The following IQSEC1 variants were observed in gnomAD, a reference collection of about 807,000 sequenced individuals.
IQSEC1 encodes IQ motif and Sec7 domain ArfGEF 1.
A neutral mutation model predicts 91.0 loss-of-function variants in IQSEC1; 31 were observed. The ratio of observed to expected loss-of-function variants is 0.34; its 90% confidence interval spans 0.26 to 0.46. The LOEUF is 0.46. Ranked by LOEUF, IQSEC1 falls within the 20% of genes least tolerant of loss-of-function variation. The probability of loss-of-function intolerance (pLI) is 1.00; values close to 1 mark genes in which losing one functional copy is unlikely to be tolerated. For synonymous variants in IQSEC1, 699 were observed against 662.6 expected (o/e 1.05, Z -0.84); for missense variants, 1,388 against 1,575.6 (o/e 0.88, Z 2.02).
At chr3:12,918,110 G>A (rs543420579) in intron 6 of IQSEC1, among the ~76,000 whole-genome samples, 12 of 152,366 alleles carry the variant, frequency 7.9e-5, no homozygotes, top group Non-Finnish European at 1.5e-4. Flanking sequence ...TGGTTGATGT[G>A]ACCCTGGGCA....
In IQSEC1 at chr3:12,983,031, C is replaced by G. The variant is rs1198512821; in HGVS notation, c.24-41166G>C. ...TACAGCTGTCTGCCCTCTCTGGGTG[C>G]TTGTGCGTGGGATGGAGGGTGAGGA... On this transcript the variant is annotated intron_variant, in intron 1 of 13. Transcript: ENST00000613206. The surrounding 1 kb of genome is among the most constrained non-coding windows in gnomAD (Gnocchi z 4.3). Among the ~76,000 whole-genome samples, 1 of 152,230 alleles carries G rather than the reference C, an allele frequency of 6.6e-6. No individual in the cohort carries two copies. Among genetic ancestry groups the G allele is most frequent in the Non-Finnish European group, 1.5e-5 (1 of 68,040 alleles).
At chr3:13,230,653 G>A (rs536830706) in intron 1 of IQSEC1, among the ~76,000 whole-genome samples, 1 of 152,342 alleles carries the variant, frequency 6.6e-6, no homozygotes, top group African/African-American at 2.4e-5. Flanking sequence ...GTTCTTCAAA[G>A]TCATGCTCAG....
intron 1 of IQSEC1, among the ~76,000 whole-genome samples, chr3:13,065,085 A>G (rs975485090): frequency 1.3e-5 from 2 of 152,216 alleles, no homozygotes; most frequent in African/African-American, 4.8e-5. Context: ...GGCTTCCTTC[A>G]TGGAGGCCCC....
chr3:13,048,143 G>A (rs1281473279), intron 1 of IQSEC1, among the ~76,000 whole-genome samples: 3 of 152,208 alleles, frequency 2.0e-5, no homozygotes, highest in African/African-American at 7.2e-5. Context: ...TAGACTTGGT[G>A]CCTGTCCCCT....
At chr3:13,242,163 T>C (rs1475898623) in intron 1 of IQSEC1, among the ~76,000 whole-genome samples, 1 of 152,124 alleles carries the variant, frequency 6.6e-6, no homozygotes, top group East Asian at 1.9e-4. Context: ...GCTGGGCACA[T>C]GGGCAACCAA....
chr3:13,252,893 C>T (rs543857322), intron 1 of IQSEC1, among the ~76,000 whole-genome samples: 2 of 152,114 alleles, frequency 1.3e-5, no homozygotes, highest in Non-Finnish European at 2.9e-5. Flanking sequence ...CCACCACTCC[C>T]GGCCAATTTT....
chr3:12,900,891 G>A lies in IQSEC1; in HGVS notation c.*92C>T. ...AGAGGGGAGAGATGGCAACAGAAGT[G>A]CCCCGGGTTTGGTGTGCGGCTGGCG... is the stretch of plus-strand genomic sequence containing the variant. On this transcript the variant is annotated 3_prime_UTR_variant, in exon 14 of 14. Transcript: ENST00000613206. 1 of 1,535,346 alleles carries A rather than the reference G, an allele frequency of 6.5e-7. No homozygotes were observed.
At chr3:12,946,734 G>T (rs1699206993) in intron 1 of IQSEC1, among the ~76,000 whole-genome samples, 1 of 152,178 alleles carries the variant, frequency 6.6e-6, no homozygotes, top group South Asian at 2.1e-4. Flanking sequence ...CTGATGTCAT[G>T]ATGTGGCCGA....
At chr3:13,278,835 G>A (rs11925314) in intron 1 of IQSEC1, among the ~76,000 whole-genome samples, 3 of 149,294 alleles carry the variant, frequency 2.0e-5, no homozygotes, top group African/African-American at 5.1e-5. Context: ...GGGGCAGGGT[G>A]GGGGGGGACA....
intron 1 of IQSEC1, among the ~76,000 whole-genome samples, chr3:12,982,034 T>C (rs968505041): frequency 6.6e-6 from 1 of 152,218 alleles, no homozygotes; most frequent in African/African-American, 2.4e-5. Flanking sequence ...TGGGGCTTCC[T>C]GTGAAAGCTG....
intron 1 of IQSEC1, among the ~76,000 whole-genome samples, chr3:13,276,740 C>A (rs1222281866): frequency 6.6e-6 from 1 of 152,198 alleles, no homozygotes; most frequent in Admixed American, 6.5e-5. Context: ...AAAACAGAAG[C>A]ACCCAACGTT....
At chr3:13,125,848 G>T (rs980181091) in intron 2 of IQSEC1, among the ~76,000 whole-genome samples, 2 of 152,196 alleles carry the variant, frequency 1.3e-5, no homozygotes, top group Admixed American at 1.3e-4. Context: ...TGGGCTGCCC[G>T]GTGTTCCCCT....
intron 6 of IQSEC1, among the ~76,000 whole-genome samples, chr3:12,920,201 C>T (rs552195388): frequency 1.2e-4 from 19 of 152,324 alleles, no homozygotes; most frequent in African/African-American, 2.4e-4. Flanking sequence ...CCCAACACCT[C>T]GAGACCCCGG....
In IQSEC1 at chr3:12,899,585, G is replaced by A; in HGVS notation, c.*1398C>T. 1.4e-6 allele frequency: 2 copies of A among 1,466,418 alleles called. No individual in the cohort carries two copies. The highest frequency in any genetic ancestry group is 2.5e-5 in the Admixed American group (1 of 40,372). The allele number at this position is 1,466,418 out of a possible 1,614,324, so 90.8% of individuals were successfully genotyped here. A position where few individuals can be genotyped will look rare whatever the true frequency, so the allele number is the denominator to read the frequency against. On this transcript the variant is annotated 3_prime_UTR_variant, in exon 14 of 14. Coordinates refer to ENST00000613206, the MANE Select transcript of IQSEC1 (RefSeq NM_001134382.3). The stretch of plus-strand genomic sequence containing the variant: ...CTGGCAGCTCACTGGACCATGGGAA[G>A]GCAGCGGGGGCTCCGCCGGGCACTC...
chr3:13,043,958 A>G (rs1704389800), intron 1 of IQSEC1, among the ~76,000 whole-genome samples: 1 of 152,232 alleles, frequency 6.6e-6, no homozygotes, highest in Non-Finnish European at 1.5e-5. Flanking sequence ...GTGTGCACAC[A>G]GAGTCCAGGA....
At chr3:13,036,560 G>T (rs111792022) in intron 1 of IQSEC1, among the ~76,000 whole-genome samples, 27 of 152,254 alleles carry the variant, frequency 1.8e-4, no homozygotes, top group Middle Eastern at 3.4e-3. Flanking sequence ...GCCACCCAGG[G>T]TGCCCCCTGT....
chr3:13,186,295 A>G (rs1259293580), intron 1 of IQSEC1, among the ~76,000 whole-genome samples: 1 of 152,162 alleles, frequency 6.6e-6, no homozygotes, highest in African/African-American at 2.4e-5. Context: ...AATATTCTGA[A>G]GCTTGCACTG....
Position 13,130,022 on chromosome 3 carries a change from A to C in IQSEC1, c.302+34082T>G, listed in dbSNP as rs111386432. On this transcript the variant is annotated intron_variant, in intron 2 of 15. Coordinates refer to the IQSEC1 transcript ENST00000648114. ...ATTCACTTCAGAAGACTTTCTTTTGATTTCTTCTTGGACCAAAGGGTTATT... is the reference window on the plus strand; with the variant it reads ...ATTCACTTCAGAAGACTTTCTTTTGCTTTCTTCTTGGACCAAAGGGTTATT... Among the ~76,000 whole-genome samples the C allele has an allele frequency of 8.0e-3, 1,214 of 151,330 alleles. 25 individuals carry two copies. The highest frequency in any genetic ancestry group is 0.028 in the African/African-American group (1,169 of 41,208).
chr3:12,906,694 C>T (rs1304749886), intron 12 of IQSEC1, among the ~76,000 whole-genome samples: 1 of 152,240 alleles, frequency 6.6e-6, no homozygotes, highest in Non-Finnish European at 1.5e-5. Context: ...GGGGCCGGCA[C>T]GTGGCTGTCC....
Sources: allele counts gnomAD v4.1 joint callset (sites outside exome capture counted in the v4.1 genomes callset), GRCh38; gene constraint gnomAD v4.1.1; non-coding constraint Gnocchi (gnomAD v3.1); transcripts MANE v1.5; gene names NCBI Gene and HGNC (gene_info 2026-07-23, HGNC 2026-07-21).